The following FAM135A variants were observed in gnomAD, a reference collection of about 807,000 sequenced individuals.
The protein encoded by FAM135A is protein FAM135A.
A neutral mutation model predicts 146.8 loss-of-function variants in FAM135A; 79 were observed. The ratio of observed to expected loss-of-function variants is 0.54; its 90% CI spans 0.45 to 0.65. The LOEUF (loss-of-function observed/expected upper bound fraction) is 0.65, where lower values mean the gene tolerates loss of function less well. FAM135A is among the 30% of genes least tolerant of loss of function. The pLI is 0.00. For missense variants in FAM135A, 1,623 were observed against 1,758.2 expected, an observed-to-expected ratio of 0.92 and a Z score of 1.38; for synonymous variants, 562 against 603.6, an observed-to-expected ratio of 0.93 and a Z score of 1.01.
intron 4 of FAM135A, among the ~76,000 whole-genome samples, chr6:70,448,206 C>T (rs1776253572): frequency 6.6e-6 from 1 of 152,112 alleles, no homozygotes; most frequent in South Asian, 2.1e-4. Flanking sequence ...AGGGTCAGGC[C>T]ACTCTTTTTC....
At chr6:70,468,454 A>G (rs944258227) in intron 5 of FAM135A, among the ~76,000 whole-genome samples, 1 of 152,202 alleles carries the variant, frequency 6.6e-6, no homozygotes, top group African/African-American at 2.4e-5. Flanking sequence ...AACCCACCAC[A>G]TACATGGTAT....
intron 2 of FAM135A, among the ~76,000 whole-genome samples, chr6:70,426,199 CTATT>C (rs775835586): frequency 6.6e-5 from 10 of 151,772 alleles, no homozygotes; most frequent in Non-Finnish European, 1.2e-4. Flanking sequence ...AGAAAGTACT[CTATT>C]TGTTATTGTA....
intron 2 of FAM135A, among the ~76,000 whole-genome samples, chr6:70,422,763 G>A (rs1477742652): frequency 6.6e-6 from 1 of 152,122 alleles, no homozygotes; most frequent in Non-Finnish European, 1.5e-5. Context: ...TACTATTTAT[G>A]GAATCTTTAA....
chr6:70,461,838 T>C (rs1225088359), intron 5 of FAM135A, among the ~76,000 whole-genome samples: 4 of 152,216 alleles, frequency 2.6e-5, no homozygotes, highest in African/African-American at 9.6e-5. Flanking sequence ...CTTAAGCAAA[T>C]TATTCCATTT....
chr6:70,521,978 G>A (rs147837100), intron 12 of FAM135A, among the ~76,000 whole-genome samples: 2,002 of 152,156 alleles, frequency 0.013, 108 homozygotes, highest in Admixed American at 0.1. Context: ...GTGCAAGGGC[G>A]CCATCTTGGC....
At chr6:70,524,159 A>G (rs1004570006) in intron 14 of FAM135A, 38 bp downstream of exon 14, 6 of 1,564,360 alleles carry the variant, frequency 3.8e-6, no homozygotes, top group African/African-American at 1.4e-5. Flanking sequence ...AGCTATGTGT[A>G]TAGTTTTCAG....
chr6:70,425,525 G>A (rs1268681596), intron 2 of FAM135A, among the ~76,000 whole-genome samples: 4 of 152,124 alleles, frequency 2.6e-5, no homozygotes, highest in Admixed American at 2.0e-4. Context: ...CTTTATAATG[G>A]AGAGAAGAAA....
At chr6:70,432,094 A>G (rs1029123899) in intron 4 of FAM135A, among the ~76,000 whole-genome samples, 2 of 152,172 alleles carry the variant, frequency 1.3e-5, no homozygotes, top group Non-Finnish European at 2.9e-5. Context: ...TGTATTAACA[A>G]TCAATGCTAT....
intron 2 of FAM135A, among the ~76,000 whole-genome samples, chr6:70,424,060 G>T (rs12212785): frequency 6.6e-6 from 1 of 152,154 alleles, no homozygotes; most frequent in East Asian, 1.9e-4. Flanking sequence ...TCATGCCCTC[G>T]CAGTGGATTA....
intron 20 of FAM135A, among the ~76,000 whole-genome samples, chr6:70,552,464 T>TC (rs1491426610): frequency 1.7e-5 from 2 of 120,652 alleles, no homozygotes; most frequent in Non-Finnish European, 3.3e-5. Flanking sequence ...AGTTGAAGAT[T>TC]CTTTTTTTTT....
At chr6:70,463,134 G>A (rs901008774) in intron 5 of FAM135A, among the ~76,000 whole-genome samples, 4 of 152,004 alleles carry the variant, frequency 2.6e-5, no homozygotes, top group Non-Finnish European at 4.4e-5. Context: ...AAGTTTGATG[G>A]GTTCTATTTG....
intron 12 of FAM135A, among the ~76,000 whole-genome samples, chr6:70,517,601 T>G (rs1039947504): frequency 9.9e-5 from 15 of 151,926 alleles, no homozygotes; most frequent in African/African-American, 3.6e-4. Context: ...GTATTTTTAG[T>G]AGAGACAGGG....
Position 70,450,716 on chromosome 6 carries a change from G to GTTTTTTTTTTTTTTT in FAM135A, c.78-1748_78-1734dup, listed in dbSNP as rs546674936. On this transcript the variant is annotated intron_variant, in intron 4 of 21. Transcript: ENST00000418814. ...CTCAGGGAGTGTGACCCTTTTAGTT[G>GTTTTTTTTTTTTTTT]TTTTTTTTTTTTTTTTTTTTTTTTT... Among the ~76,000 whole-genome samples the GTTTTTTTTTTTTTTT allele has an allele frequency of 3.2e-4, 9 of 28,348 alleles. 2 individuals are homozygous for GTTTTTTTTTTTTTTT. Among genetic ancestry groups the GTTTTTTTTTTTTTTT allele is most frequent in the Non-Finnish European group, 5.3e-4 (7 of 13,088 alleles). 18.6% of individuals were successfully genotyped at this position (28,348 alleles called of 152,430 possible).
At chr6:70,470,775 G>A (rs1344343667) in intron 5 of FAM135A, among the ~76,000 whole-genome samples, 3 of 152,230 alleles carry the variant, frequency 2.0e-5, no homozygotes, top group African/African-American at 7.2e-5. Flanking sequence ...ATCACACAGT[G>A]AGCTGAAGAG....
intron 5 of FAM135A, among the ~76,000 whole-genome samples, chr6:70,468,510 G>A (rs918334103): frequency 6.6e-6 from 1 of 152,170 alleles, no homozygotes; most frequent in African/African-American, 2.4e-5. Context: ...TTGGAAGAGT[G>A]AATACAAGGG....
At chr6:70,490,454 TTAAG>T (rs1402465123) in intron 10 of FAM135A, among the ~76,000 whole-genome samples, 1 of 152,112 alleles carries the variant, frequency 6.6e-6, no homozygotes, top group Non-Finnish European at 1.5e-5. Flanking sequence ...ATAGCATACA[TTAAG>T]TAAATCAGAA....
rs1461409462 is a variant in FAM135A, at chr6:70,550,197, C to T, written c.4229-6553C>T. On this transcript the variant is annotated intron_variant, in intron 20 of 21. Coordinates refer to ENST00000418814, the MANE Select transcript of FAM135A (RefSeq NM_001162529.3). ...AAGGTTGGAATCAGCCTCTTCCAAA[C>T]TTCTGTTCTTGTAGATATTTGACCT... Among the ~76,000 whole-genome samples, 8 of 152,150 alleles carry T rather than the reference C, an allele frequency of 5.3e-5. 1 individual carries two copies. The highest frequency in any genetic ancestry group is 5.2e-4 in the Admixed American group (8 of 15,278).
At chr6:70,451,211 T>C (rs1777023896) in intron 4 of FAM135A, among the ~76,000 whole-genome samples, 1 of 152,222 alleles carries the variant, frequency 6.6e-6, no homozygotes, top group Non-Finnish European at 1.5e-5. Flanking sequence ...CACTTAACTG[T>C]GTGTAAACCA....
chr6:70,452,615 G>C (rs1291967570), intron 5 of FAM135A, 44 bp downstream of exon 5: 1 of 1,416,040 alleles, frequency 7.1e-7, no homozygotes, highest in Non-Finnish European at 9.6e-7. Context: ...AATCTGAATG[G>C]TCAATAACTT....
Sources: gnomAD v4.1 joint callset for allele counts (sites outside exome capture counted in the v4.1 genomes callset) on GRCh38, gnomAD v4.1.1 for gene constraint, MANE v1.5 for transcripts, NCBI Gene and HGNC (gene_info 2026-07-23, HGNC 2026-07-21) for gene names.